SH3BGRL2: variants seen among roughly 807,000 people sequenced by gnomAD.
The protein encoded by SH3BGRL2 is SH3 domain-binding glutamic acid-rich-like protein 2.
Under a neutral mutation model 14.8 loss-of-function variants are expected in SH3BGRL2, and 21 were observed. The ratio of observed to expected loss-of-function variants is 1.42; its 90% CI spans 1.01 to 2.05. The LOEUF (loss-of-function observed/expected upper bound fraction) is 2.05, where lower values mean the gene tolerates loss of function less well. Among genes scored for constraint, SH3BGRL2 ranks in the 30% most tolerant of loss-of-function variants. The pLI is 0.00. For synonymous variants in SH3BGRL2, 50 were observed against 47.8 expected (o/e 1.05, Z -0.19); for missense variants, 147 against 130.8 (o/e 1.12, Z -0.61).
chr6:79,585,753 A>C, the SH3BGRL2 span, among the ~76,000 whole-genome samples: 2 of 147,392 alleles, frequency 1.4e-5, no homozygotes, highest in African/African-American at 2.5e-5. Context: ...GAAAGATGTA[A>C]TTTACTTTTT....
the SH3BGRL2 span, among the ~76,000 whole-genome samples, chr6:79,567,228 T>C: frequency 6.6e-6 from 1 of 152,168 alleles, no homozygotes; most frequent in Non-Finnish European, 1.5e-5. Flanking sequence ...AAAATTATAA[T>C]GAATGAAACT....
the SH3BGRL2 span, among the ~76,000 whole-genome samples, chr6:79,571,915 C>T: frequency 4.6e-5 from 7 of 152,060 alleles, no homozygotes; most frequent in East Asian, 1.2e-3. Flanking sequence ...AAAAAATAAA[C>T]TCTTTTTTTG....
At chr6:79,557,772 A>G in the SH3BGRL2 span, among the ~76,000 whole-genome samples, 2 of 152,186 alleles carry the variant, frequency 1.3e-5, no homozygotes, top group Non-Finnish European at 2.9e-5. Context: ...TTCTAAGTAA[A>G]TTTTAATATT....
intron 1 of SH3BGRL2, among the ~76,000 whole-genome samples, chr6:79,647,170 G>A (rs75284085): frequency 0.019 from 2,871 of 152,176 alleles, 93 homozygotes; most frequent in African/African-American, 0.065. Context: ...AATGTATGCA[G>A]GTTCCAGTTT....
At chr6:79,583,992 A>G in the SH3BGRL2 span, among the ~76,000 whole-genome samples, 3 of 152,198 alleles carry the variant, frequency 2.0e-5, no homozygotes, top group Non-Finnish European at 4.4e-5. Flanking sequence ...CTTTGGTTTC[A>G]GAGATACAAG....
intron 1 of SH3BGRL2, among the ~76,000 whole-genome samples, chr6:79,668,703 A>C (rs1769712070): frequency 6.6e-6 from 1 of 152,266 alleles, no homozygotes; most frequent in African/African-American, 2.4e-5. Context: ...ATGTATCAAC[A>C]ATTTAATAAA....
At chr6:79,555,199 C>T in the SH3BGRL2 span, among the ~76,000 whole-genome samples, 1,492 of 152,180 alleles carry the variant, frequency 9.8e-3, 33 homozygotes, top group African/African-American at 0.035. Flanking sequence ...CCTGTAGTCC[C>T]AGAACTTTGG....
At position 79,702,803 on chromosome 6, in the gene SH3BGRL2, T is replaced by C. The variant is rs1032445023; in HGVS notation, c.*3294T>C. 2 of 152,378 alleles carry C rather than the reference T, an allele frequency of 1.3e-5. No individual in the cohort carries two copies. The highest frequency in any genetic ancestry group is 2.9e-5 in the Non-Finnish European group (2 of 68,196). 9.4% of individuals were successfully genotyped at this position (152,378 alleles called of 1,614,324 possible). ...GGGTGGGGTGGTTCAAATGGATGAC[T>C]GATCTCCTGAGTACACTGAAGCCAC... is the stretch of plus-strand genomic sequence containing the variant. On this transcript the variant is annotated 3_prime_UTR_variant, in exon 4 of 4. Transcript: ENST00000369838.
Position 79,701,755 on chromosome 6 carries a change from C to T in SH3BGRL2, c.*2246C>T, listed in dbSNP as rs1170867174. ...ACCAAGATGTTGCCCTCTGGGACCA[C>T]ACTTAGCTCAGAGAATATGGGGTCC... On this transcript the variant is annotated 3_prime_UTR_variant, in exon 4 of 4. Coordinates refer to ENST00000369838, the MANE Select transcript of SH3BGRL2 (RefSeq NM_031469.4). The T allele has an allele frequency of 2.6e-5, 4 of 152,052 alleles. No individual in the cohort carries two copies. The highest frequency in any genetic ancestry group is 1.3e-4 in the Admixed American group (2 of 15,268). 9.4% of individuals were successfully genotyped at this position (152,052 alleles called of 1,614,324 possible). A position where few individuals can be genotyped will look rare whatever the true frequency, so the allele number is the denominator to read the frequency against.
chr6:79,543,061 A>G, the SH3BGRL2 span, among the ~76,000 whole-genome samples: 2 of 152,224 alleles, frequency 1.3e-5, no homozygotes, highest in East Asian at 1.9e-4. Context: ...GAAATGGAAT[A>G]TAGATGAGGA....
chr6:79,601,255 A>C, the SH3BGRL2 span, among the ~76,000 whole-genome samples: 1 of 152,204 alleles, frequency 6.6e-6, no homozygotes, highest in South Asian at 2.1e-4. Flanking sequence ...TGGCACAATC[A>C]TGGCTCACTG....
At chr6:79,665,078 T>TACA (rs1443674036) in intron 1 of SH3BGRL2, among the ~76,000 whole-genome samples, 23 of 152,154 alleles carry the variant, frequency 1.5e-4, no homozygotes, top group Non-Finnish European at 2.8e-4. Flanking sequence ...CGGGCGCCTG[T>TACA]AGTCCCAGCT....
chr6:79,553,989 AAG>A, the SH3BGRL2 span, among the ~76,000 whole-genome samples: 2 of 151,860 alleles, frequency 1.3e-5, no homozygotes, highest in Non-Finnish European at 2.9e-5. Context: ...AAGAAAAGAA[AAG>A]AGAAAGAAAA....
intron 2 of SH3BGRL2, among the ~76,000 whole-genome samples, chr6:79,676,622 T>TG (rs2127734223): frequency 2.3e-5 from 3 of 128,290 alleles, no homozygotes; most frequent in Admixed American, 1.5e-4. Context: ...TGTGTGTGTG[T>TG]GTGTGTGTGT....
the SH3BGRL2 span, among the ~76,000 whole-genome samples, chr6:79,564,802 A>C: frequency 6.6e-6 from 1 of 152,148 alleles, no homozygotes; most frequent in South Asian, 2.1e-4. Flanking sequence ...AATAGGGTGG[A>C]AATTATGGTT....
At chr6:79,580,271 T>C in the SH3BGRL2 span, among the ~76,000 whole-genome samples, 1 of 152,204 alleles carries the variant, frequency 6.6e-6, no homozygotes, top group African/African-American at 2.4e-5. Context: ...GGACCTGAAC[T>C]CAGCTCTGCA....
chr6:79,582,919 G>T, the SH3BGRL2 span, among the ~76,000 whole-genome samples: 3 of 151,980 alleles, frequency 2.0e-5, no homozygotes, highest in African/African-American at 7.3e-5. Flanking sequence ...AATCTACAAA[G>T]AACTCAAACA....
chr6:79,633,890 G>A (rs572118137), intron 1 of SH3BGRL2, among the ~76,000 whole-genome samples: 3 of 152,292 alleles, frequency 2.0e-5, no homozygotes, highest in Non-Finnish European at 1.5e-5. Flanking sequence ...GGCTAATGGG[G>A]CCAGTAGCAT....
chr6:79,637,711 G>A (rs1768954626), intron 1 of SH3BGRL2, among the ~76,000 whole-genome samples: 2 of 151,680 alleles, frequency 1.3e-5, no homozygotes, highest in South Asian at 2.1e-4. Context: ...AAAAGAAAAT[G>A]TATTTCACTT....
Sources: gnomAD v4.1 joint callset for allele counts (sites outside exome capture counted in the v4.1 genomes callset) on GRCh38, gnomAD v4.1.1 for gene constraint, MANE v1.5 for transcripts, NCBI Gene and HGNC (gene_info 2026-07-23, HGNC 2026-07-21) for gene names.